CORO7: variants seen among roughly 807,000 people sequenced by gnomAD.
CORO7 encodes the protein coronin-7.
In CORO7, 107 loss-of-function variants were observed where a neutral mutation model predicts 126.6. The ratio of observed to expected loss-of-function variants is 0.85; its 90% CI spans 0.72 to 0.99. The LOEUF is 0.99. Ranked by LOEUF, CORO7 falls within the 50% of genes least tolerant of loss-of-function variation. The probability of loss-of-function intolerance (pLI) is 0.00; values close to 1 mark genes in which losing one functional copy is unlikely to be tolerated. For missense variants in CORO7, 1,314 were observed against 1,255.8 expected (o/e 1.05, Z -0.70); for synonymous variants, 603 against 536.8 (o/e 1.12, Z -1.70).
chr16:4,387,992 G>C lies in CORO7; in HGVS notation c.779C>G (p.Ser260Trp), dbSNP rs777098028. The C allele has an allele frequency of 1.2e-6, 2 of 1,613,040 alleles. No homozygotes were observed. Among genetic ancestry groups the C allele is most frequent in the Non-Finnish European group, 1.7e-6 (2 of 1,179,872 alleles). The change falls in exon 9 of 28, where the codon TCG (serine) becomes TGG (tryptophan). Residue 260 changes from serine (S) to tryptophan (W), a missense_variant. Ser to Trp is a radical substitution (Grantham distance 177). Transcript: ENST00000251166. ...TGCGTGCCGCAGCTCCTACCCAAGC[G>C]AGGTGTCCAAGGTGAGGGAGGCCAG... Reference protein sequence around the residue: ...SALASLTLDTSLGCLVPLLDP... With the variant: ...SALASLTLDTWLGCLVPLLDP...
intron 9 of CORO7, 109 bp downstream of exon 9, chr16:4,387,877 G>A: frequency 7.1e-7 from 1 of 1,407,260 alleles, no homozygotes; most frequent in Non-Finnish European, 9.8e-7. Flanking sequence ...AGGTACCCCA[G>A]AACACCCCGG....
chr16:4,372,336 A>AG (rs2054565366), intron 9 of CORO7, among the ~76,000 whole-genome samples: 1 of 152,164 alleles, frequency 6.6e-6, no homozygotes, highest in East Asian at 1.9e-4. Flanking sequence ...AACCCCTTTG[A>AG]GGGGGATAGC....
At chr16:4,382,500 G>T (rs772269295) in intron 9 of CORO7, 49 of 1,594,562 alleles carry the variant, frequency 3.1e-5, no homozygotes, top group Non-Finnish European at 3.8e-5. Context: ...TGGGGCCCGG[G>T]CGGGTGCCGG....
chr16:4,360,960 GCAGCTT>G lies in CORO7; in HGVS notation c.1894_1899del (p.Lys632_Leu633del). ...CGTCCTACCTGGTCTTGGTGGCCCT[GCAGCTT>G]CAGCCGATCAGCTCCAGCCTGAAGG... On this transcript the variant is annotated inframe_deletion, in exon 19 of 28. Transcript: ENST00000251166. The G allele has an allele frequency of 6.2e-7, 1 of 1,611,710 alleles. No individual in the cohort carries two copies.
At chr16:4,355,472 T>A in intron 26 of CORO7, 100 bp from the exon 27 acceptor site, 1 of 1,319,058 alleles carries the variant, frequency 7.6e-7, no homozygotes, top group Non-Finnish European at 1.0e-6. Context: ...AAAGAACTTT[T>A]TTTTTTTTTT....
chr16:4,357,752 CGTGT>C (rs143712921), intron 25 of CORO7: 13 of 696,658 alleles, frequency 1.9e-5, no homozygotes, highest in South Asian at 6.7e-5. Flanking sequence ...ACAGTGTGTG[CGTGT>C]GTGTGTGTGT....
intron 1 of CORO7, among the ~76,000 whole-genome samples, chr16:4,415,113 C>T (rs955274528): frequency 2.0e-5 from 3 of 152,140 alleles, no homozygotes; most frequent in Admixed American, 1.3e-4. Flanking sequence ...AAGCAGTCCA[C>T]CCAAAGTACT....
In CORO7 at chr16:4,407,469, CCCTGGGAAGGGCAGGCCAGGGTGG is replaced by C. The variant is rs779255991; in HGVS notation, c.487+8_487+31del. On this transcript the variant is annotated splice_region_variant and intron_variant, in intron 5 of 27. Transcript: ENST00000251166. The stretch of plus-strand genomic sequence containing the variant: ...CGGAGTGCTGTCCAGAGTGGGGCTG[CCCTGGGAAGGGCAGGCCAGGGTGG>C]CCTGTACCTGTCAGGGGCTGCTGCT... 3.1e-5 allele frequency: 48 copies of C among 1,554,322 alleles called. No individual in the cohort carries two copies. The highest frequency in any genetic ancestry group is 3.9e-5 in the Non-Finnish European group (45 of 1,148,908).
intron 9 of CORO7, among the ~76,000 whole-genome samples, chr16:4,369,380 C>A (rs913974423): frequency 1.3e-5 from 2 of 152,210 alleles, no homozygotes; most frequent in Non-Finnish European, 2.9e-5. Flanking sequence ...AGGCAGAGGG[C>A]CAGAGGTGGT....
chr16:4,364,480 G>A (rs1284327245), intron 13 of CORO7, 67 bp from the exon 14 acceptor site: 7 of 1,473,870 alleles, frequency 4.7e-6, no homozygotes, highest in East Asian at 4.9e-5. Context: ...CCCCATGGGA[G>A]GGTCAACTGG....
At chr16:4,379,880 T>TA (rs34020450) in intron 9 of CORO7, among the ~76,000 whole-genome samples, 68,734 of 108,944 alleles carry the variant, frequency 0.63, 22,748 homozygotes, top group East Asian at 0.78. Context: ...CTGTCTCTAC[T>TA]AAAAAAAAAA....
chr16:4,358,388 G>A lies in CORO7; in HGVS notation c.2436C>T (p.Ala812=), dbSNP rs770341270. 6.2e-7 allele frequency: 1 copy of A among 1,612,740 alleles called. No homozygotes were observed. The highest frequency in any genetic ancestry group is 8.5e-7 in the Non-Finnish European group (1 of 1,179,828). ...RLRQSSLEPV[A]FRLPRVRKEF... ...TCACCCGGACTCGGGGCAGCCGGAA[G>A]GCCACAGGCTCCAGGGAGGACTGAC... Residue 812 remains alanine, a synonymous_variant, in exon 24 of 28, where the codon GCC becomes GCT. Transcript: ENST00000251166.
chr16:4,399,394 G>A (rs774226984), intron 6 of CORO7, among the ~76,000 whole-genome samples: 2 of 152,188 alleles, frequency 1.3e-5, no homozygotes, highest in Admixed American at 1.3e-4. Flanking sequence ...AGAGCAAATA[G>A]TATATGATTC....
At position 4,362,742 on chromosome 16, in the gene CORO7, G is replaced by C; in HGVS notation, c.1276-4C>G. 1 of 1,407,010 alleles carries C rather than the reference G, an allele frequency of 7.1e-7. No homozygotes were observed. The highest frequency in any genetic ancestry group is 9.3e-7 in the Non-Finnish European group (1 of 1,075,868). The allele number at this position is 1,407,010 out of a possible 1,614,324, so 87.2% of individuals were successfully genotyped here. A position where few individuals can be genotyped will look rare whatever the true frequency, so the allele number is the denominator to read the frequency against. ...TGGGAGGGGAAGAGAAACCCTCCTG[G>C]GGAGGGGCATGGGGTCAGCCAGCCT... On this transcript the variant is annotated splice_region_variant and splice_polypyrimidine_tract_variant and intron_variant, in intron 14 of 27. Transcript: ENST00000251166. The surrounding 1 kb of genome is among the most constrained non-coding windows in gnomAD (Gnocchi z 5.3).
chr16:4,400,985 A>G (rs2055781430), intron 6 of CORO7, among the ~76,000 whole-genome samples: 1 of 152,154 alleles, frequency 6.6e-6, no homozygotes, highest in Non-Finnish European at 1.5e-5. Context: ...AAAATAGTCC[A>G]TCAACTAAAA....
rs541185473 is a variant in CORO7, at chr16:4,387,334, C to T, written c.785+652G>A. 3.5e-3 allele frequency among the ~76,000 whole-genome samples: 528 copies of T among 152,238 alleles called. 3 individuals are homozygous for T. The highest frequency in any genetic ancestry group is 3.9e-3 in the Non-Finnish European group (266 of 67,998). On this transcript the variant is annotated intron_variant, in intron 9 of 27. Coordinates refer to ENST00000251166, the MANE Select transcript of CORO7 (RefSeq NM_024535.5). Reference sequence around the variant, plus strand: ...AGCTGACTGTGCCTGGCCAGGACCCCGCCAGGCACTGCCAAAAGCCCTCTC... The same window carrying T: ...AGCTGACTGTGCCTGGCCAGGACCCTGCCAGGCACTGCCAAAAGCCCTCTC...
At chr16:4,413,022 A>T (rs1017609144) in intron 2 of CORO7, 1 of 368,266 alleles carries the variant, frequency 2.7e-6, no homozygotes, top group Non-Finnish European at 4.9e-6. Flanking sequence ...CAGGGAGCAC[A>T]GAGGGACAGC....
At chr16:4,372,863 T>G (rs568876430) in intron 9 of CORO7, among the ~76,000 whole-genome samples, 1 of 152,210 alleles carries the variant, frequency 6.6e-6, no homozygotes, top group Non-Finnish European at 1.5e-5. Flanking sequence ...GGGGTCTAGG[T>G]GTCCCCATGC....
intron 9 of CORO7, among the ~76,000 whole-genome samples, chr16:4,385,169 C>T (rs2055152947): frequency 6.6e-6 from 1 of 152,284 alleles, no homozygotes; most frequent in South Asian, 2.1e-4. Flanking sequence ...TGCGAGCCCC[C>T]ATCACCAGGT....
Sources: allele counts gnomAD v4.1 joint callset (sites outside exome capture counted in the v4.1 genomes callset), GRCh38; gene constraint gnomAD v4.1.1; non-coding constraint Gnocchi (gnomAD v3.1); transcripts MANE v1.5; gene names NCBI Gene and HGNC (gene_info 2026-07-23, HGNC 2026-07-21).